SCN10A: variants seen among roughly 807,000 people sequenced by gnomAD.
SCN10A encodes sodium channel protein type 10 subunit alpha.
SCN10A carries 162 observed loss-of-function variants against 170.7 expected under a neutral mutation model. The ratio of observed to expected loss-of-function variants is 0.95; its 90% CI spans 0.84 to 1.08. The LOEUF (loss-of-function observed/expected upper bound fraction) is 1.08. Ranked by LOEUF, SCN10A falls within the 50% of genes least tolerant of loss-of-function variation. The probability of loss-of-function intolerance (pLI) is 0.00; values close to 1 mark genes in which losing one functional copy is unlikely to be tolerated. For synonymous variants in SCN10A, 985 were observed against 904.6 expected, an observed-to-expected ratio of 1.09 and a Z score of -1.59; for missense variants, 2,527 against 2,436.9, an observed-to-expected ratio of 1.04 and a Z score of -0.78.
At position 38,728,706 on chromosome 3, in the gene SCN10A, C is replaced by A. The variant is rs199535863; in HGVS notation, c.2476G>T (p.Asp826Tyr). 6.0e-5 allele frequency: 97 copies of A among 1,613,808 alleles called. No individual in the cohort carries two copies. Among genetic ancestry groups the A allele is most frequent in the Non-Finnish European group, 7.8e-5 (92 of 1,179,916 alleles). Residue 826 changes from aspartate (D) to tyrosine (Y), a missense_variant, in exon 16 of 28, where the codon GAC (aspartate) becomes TAC (tyrosine). Transcript: ENST00000449082. ...NRKNISAPHE[D>Y]WPRWHMHDFF... ...TCGTGCATGTGCCAGCGGGGCCAGTCTTCATGGGGCGCGGAGATATTTTTT... is the reference window on the plus strand; with the variant it reads ...TCGTGCATGTGCCAGCGGGGCCAGTATTCATGGGGCGCGGAGATATTTTTT...
chr3:38,782,079 C>T (rs994824149), intron 4 of SCN10A, among the ~76,000 whole-genome samples: 1 of 152,022 alleles, frequency 6.6e-6, no homozygotes, highest in African/African-American at 2.4e-5. Flanking sequence ...TATCCATTAT[C>T]TGACTGTATT....
intron 14 of SCN10A, among the ~76,000 whole-genome samples, chr3:38,740,494 T>C (rs1021807939): frequency 9.2e-5 from 14 of 152,214 alleles, no homozygotes; most frequent in African/African-American, 3.1e-4. Flanking sequence ...TAAGTGACTT[T>C]CTCATGCCAC....
At chr3:38,798,168 G>T (rs1384219285) in intron 1 of SCN10A, among the ~76,000 whole-genome samples, 1 of 152,162 alleles carries the variant, frequency 6.6e-6, no homozygotes, top group Non-Finnish European at 1.5e-5. Flanking sequence ...AACATAAGAA[G>T]AAGAAAGCAG....
chr3:38,782,074 A>T (rs1279763662), intron 4 of SCN10A, among the ~76,000 whole-genome samples: 3 of 151,846 alleles, frequency 2.0e-5, no homozygotes, highest in African/African-American at 7.3e-5. Context: ...TGTTTTATCC[A>T]TTATCTGACT....
chr3:38,735,829 CTCTT>C (rs987883565), intron 15 of SCN10A, among the ~76,000 whole-genome samples: 2 of 152,240 alleles, frequency 1.3e-5, no homozygotes, highest in African/African-American at 2.4e-5. Flanking sequence ...CCACCTTCCT[CTCTT>C]TCTTTCCTTC....
chr3:38,722,083 A>G (rs1285908192), intron 20 of SCN10A, among the ~76,000 whole-genome samples, 175 bp downstream of exon 20: 3 of 152,228 alleles, frequency 2.0e-5, no homozygotes, highest in Non-Finnish European at 4.4e-5. Flanking sequence ...AACACCTCCC[A>G]TGCTCTGCTG....
At position 38,793,857 on chromosome 3, in the gene SCN10A, G is replaced by A. The variant is rs754234000; in HGVS notation, c.154C>T (p.Arg52Trp). ...CAGGCTTTCAAGTCCAGCTGGGGCCGAGGCTTCTCTTCTTGGTCCTTCTGC... is the reference window on the plus strand; with the variant it reads ...CAGGCTTTCAAGTCCAGCTGGGGCCAAGGCTTCTCTTCTTGGTCCTTCTGC... ...REQKDQEEKP[R>W]PQLDLKACNQ... Residue 52 changes from arginine to tryptophan, a missense_variant, in exon 2 of 28, where the codon CGG becomes TGG. By Grantham distance (101) the Arg-to-Trp change is moderately radical (BLOSUM62 -3). Transcript: ENST00000449082. The A allele has an allele frequency of 1.5e-5, 25 of 1,613,926 alleles. No homozygotes were observed. The Middle Eastern group carries it at 1.5e-3, about 96-fold the overall frequency.
At chr3:38,737,730 T>TTCCCTCCC (rs1216736909) in intron 15 of SCN10A, among the ~76,000 whole-genome samples, 4 of 147,748 alleles carry the variant, frequency 2.7e-5, no homozygotes, top group African/African-American at 9.9e-5. Flanking sequence ...TAGCTCGTCC[T>TTCCCTCCC]TCCCTCCCTC....
intron 6 of SCN10A, among the ~76,000 whole-genome samples, chr3:38,761,705 T>C (rs2063873923): frequency 6.6e-6 from 1 of 152,158 alleles, no homozygotes; most frequent in South Asian, 2.1e-4. Flanking sequence ...TTCCAGGCAC[T>C]GTGCTAGGCA....
intron 4 of SCN10A, among the ~76,000 whole-genome samples, chr3:38,778,034 T>C (rs1332603461): frequency 6.6e-6 from 1 of 152,116 alleles, no homozygotes; most frequent in Non-Finnish European, 1.5e-5. Context: ...ATGTATCCAT[T>C]TGGGCAAATC....
intron 21 of SCN10A, among the ~76,000 whole-genome samples, chr3:38,716,996 G>A (rs1252137641): frequency 6.6e-6 from 1 of 152,222 alleles, no homozygotes; most frequent in Admixed American, 6.5e-5. Flanking sequence ...TGGATAGAAG[G>A]ATGAGTGAGT....
chr3:38,709,140 TC>T (rs1175698207), intron 25 of SCN10A, among the ~76,000 whole-genome samples: 1 of 152,088 alleles, frequency 6.6e-6, no homozygotes, highest in Non-Finnish European at 1.5e-5. Context: ...GGGGATCATA[TC>T]CCCCAACAGG....
chr3:38,752,176 G>A, intron 12 of SCN10A, 43 bp downstream of exon 12: 2 of 1,458,526 alleles, frequency 1.4e-6, no homozygotes, highest in Non-Finnish European at 9.1e-7. Context: ...AGGCTTCTAG[G>A]TGGAAGACAG....
intron 27 of SCN10A, among the ~76,000 whole-genome samples, chr3:38,701,633 A>G (rs1487442298): frequency 2.6e-5 from 4 of 152,196 alleles, no homozygotes; most frequent in Non-Finnish European, 5.9e-5. Context: ...GAGCATGGAG[A>G]AGGCCAAGAG....
intron 1 of SCN10A, among the ~76,000 whole-genome samples, chr3:38,804,365 C>T (rs184578878): frequency 1.4e-3 from 210 of 152,202 alleles, no homozygotes; most frequent in African/African-American, 4.8e-3. Context: ...ACTCCTTTAA[C>T]TCTCTCTTCA....
chr3:38,789,077 C>A (rs1388983725), intron 3 of SCN10A, 41 bp from the exon 4 acceptor site: 1 of 1,127,108 alleles, frequency 8.9e-7, no homozygotes, highest in South Asian at 1.2e-5. Flanking sequence ...ATCACCAAGT[C>A]TCTGTGATGT....
chr3:38,713,374 A>T (rs1471752990), intron 22 of SCN10A, among the ~76,000 whole-genome samples: 1 of 152,150 alleles, frequency 6.6e-6, no homozygotes, highest in Non-Finnish European at 1.5e-5. Flanking sequence ...TGTTCTGGAG[A>T]TGTTGGCAAT....
At chr3:38,799,524 A>G (rs985697117) in intron 1 of SCN10A, among the ~76,000 whole-genome samples, 1 of 152,210 alleles carries the variant, frequency 6.6e-6, no homozygotes, top group Non-Finnish European at 1.5e-5. Context: ...TATGCTTTTA[A>G]GAAGTGACAG....
intron 6 of SCN10A, among the ~76,000 whole-genome samples, chr3:38,762,096 G>A (rs2063881191): frequency 6.6e-6 from 1 of 152,220 alleles, no homozygotes; most frequent in Non-Finnish European, 1.5e-5. Flanking sequence ...GCTCTGGTAA[G>A]TAAAATCAAC....
Sources: gnomAD v4.1 joint callset for allele counts (sites outside exome capture counted in the v4.1 genomes callset) on GRCh38, gnomAD v4.1.1 for gene constraint, MANE v1.5 for transcripts, NCBI Gene and HGNC (gene_info 2026-07-23, HGNC 2026-07-21) for gene names.